Variants in CASKIN1 observed in about 807,000 individuals in gnomAD.
CASKIN1 encodes the protein caskin-1.
CASKIN1 carries 42 observed loss-of-function variants against 117.5 expected under a neutral mutation model. That is an observed-to-expected ratio of 0.36 (90% CI 0.28 to 0.46). The LOEUF (loss-of-function observed/expected upper bound fraction) is 0.46. Among genes scored for constraint, CASKIN1 ranks in the 20% least tolerant of loss-of-function variants. The probability of loss-of-function intolerance (pLI) is 1.00; values close to 1 mark genes in which losing one functional copy is unlikely to be tolerated. For missense variants in CASKIN1, 2,083 were observed against 2,077.3 expected, an observed-to-expected ratio of 1.00 and a Z score of -0.05; for synonymous variants, 1,148 against 961.7, an observed-to-expected ratio of 1.19 and a Z score of -3.59.
chr16:2,179,437 T>C lies in CASKIN1; in HGVS notation c.3776-112A>G. ...CGGACCGGGAAAGACCCTGCTCACC[T>C]TGCCCCCAGCCCTGGATGGATGAGA... On this transcript the variant is annotated intron_variant, in intron 18 of 19. Coordinates refer to ENST00000343516, the MANE Select transcript of CASKIN1 (RefSeq NM_020764.4). This position sits in a 1 kb window ranked among gnomAD's most constrained non-coding sequence, Gnocchi z 5.8. 7.4e-7 allele frequency: 1 copy of C among 1,356,428 alleles called. No individual in the cohort carries two copies. Among genetic ancestry groups the C allele is most frequent in the Non-Finnish European group, 9.4e-7 (1 of 1,060,772 alleles). 84.0% of individuals were successfully genotyped at this position (1,356,428 alleles called of 1,614,324 possible). A position where few individuals can be genotyped will look rare whatever the true frequency, so the allele number is the denominator to read the frequency against.
At position 2,180,469 on chromosome 16, in the gene CASKIN1, C is replaced by A. The variant is rs745948174; in HGVS notation, c.2899G>T (p.Val967Leu). 3.9e-6 allele frequency: 6 copies of A among 1,551,954 alleles called. No individual in the cohort carries two copies. The East Asian group carries it at 1.2e-4, about 31-fold the overall frequency. Residue 967 changes from valine to leucine, a missense_variant, in exon 18 of 20, where the codon GTG becomes TTG. This residue lies in a region of CASKIN1 where 1,818 missense variants were observed against 1,688.9 expected (regional missense o/e 1.08). Coordinates refer to ENST00000343516, the MANE Select transcript of CASKIN1 (RefSeq NM_020764.4). ...CCATCCTCAGGCTCGGCGTCAGGCA[C>A]CGGCTCATCCGCCAGGTTGGCACTA... ...LASANLADEP[V>L]PDAEPEDGLL... is the part of the protein sequence containing the mutation.
In CASKIN1 at chr16:2,182,360, ACT is replaced by A. The variant is rs2093170834; in HGVS notation, c.1630-433_1630-432del. On this transcript the variant is annotated intron_variant, in intron 16 of 19. Transcript: ENST00000343516. The surrounding 1 kb of genome is among the most constrained non-coding windows in gnomAD (Gnocchi z 4.1). ...GCACCAGCACCCCATCCCGTTTCAC[ACT>A]CTGACCTCTCACCCACATCACAGGG... Among the ~76,000 whole-genome samples the A allele has an allele frequency of 6.6e-6, 1 of 151,400 alleles. No individual in the cohort carries two copies. The highest frequency in any genetic ancestry group is 1.5e-5 in the Non-Finnish European group (1 of 67,828).
At chr16:2,187,502 GGA>G in intron 6 of CASKIN1, 41 bp from the exon 7 acceptor site, 1 of 1,548,322 alleles carries the variant, frequency 6.5e-7, no homozygotes, top group Non-Finnish European at 8.8e-7. Flanking sequence ...CCTTCCAGCA[GGA>G]GGCCGGCCCC....
Position 2,180,954 on chromosome 16 carries a change from T to C in CASKIN1, c.2414A>G (p.Lys805Arg), listed in dbSNP as rs1166089070. 2 of 1,465,944 alleles carry C rather than the reference T, an allele frequency of 1.4e-6. No homozygotes were observed. The highest frequency in any genetic ancestry group is 1.8e-6 in the Non-Finnish European group (2 of 1,114,358). 90.8% of individuals were successfully genotyped at this position (1,465,944 alleles called of 1,614,324 possible). Residue 805 changes from lysine (K) to arginine (R), a missense_variant, in exon 18 of 20, where the codon AAG becomes AGG. Coordinates refer to ENST00000343516, the MANE Select transcript of CASKIN1 (RefSeq NM_020764.4). ...CGGCGGCAGCAGCTGCGGGGTGGGCTTCACCTTGGCCGTAGCTGGGGCTGG... is the reference window on the plus strand; with the variant it reads ...CGGCGGCAGCAGCTGCGGGGTGGGCCTCACCTTGGCCGTAGCTGGGGCTGG... Reference protein sequence around the residue: ...HGPAPATAKVKPTPQLLPPTE... With the variant: ...HGPAPATAKVRPTPQLLPPTE...
Position 2,196,216 on chromosome 16 carries a change from T to C in CASKIN1, c.94+123A>G, listed in dbSNP as rs1298653592. 2 of 273,706 alleles carry C rather than the reference T, an allele frequency of 7.3e-6. No individual in the cohort carries two copies. The highest frequency in any genetic ancestry group is 1.3e-5 in the Non-Finnish European group (2 of 154,742). The allele number at this position is 273,706 out of a possible 1,614,324, so 17.0% of individuals were successfully genotyped here. A position where few individuals can be genotyped will look rare whatever the true frequency, so the allele number is the denominator to read the frequency against. ...CACGGACCAAGGGTCTGGGCGCTGC[T>C]GGCCCCGCCCCGCCCCCGGGGACCC... On this transcript the variant is annotated intron_variant, in intron 1 of 19. Transcript: ENST00000343516. This position sits in a 1 kb window ranked among gnomAD's most constrained non-coding sequence, Gnocchi z 5.7.
chr16:2,186,546 G>A (rs771397175), intron 10 of CASKIN1, among the ~76,000 whole-genome samples, 161 bp downstream of exon 10: 3 of 152,158 alleles, frequency 2.0e-5, no homozygotes, highest in East Asian at 1.9e-4. Context: ...GGGAACGGAC[G>A]AGGAGACGGC....
chr16:2,184,765 C>A lies in CASKIN1; in HGVS notation c.1416+12G>T. 1 of 1,501,246 alleles carries A rather than the reference C, an allele frequency of 6.7e-7. No homozygotes were observed. 93.0% of individuals were successfully genotyped at this position (1,501,246 alleles called of 1,614,324 possible). On this transcript the variant is annotated intron_variant, in intron 14 of 19. Transcript: ENST00000343516. ...CCGGAGCCCACGCTGAGAACACCCC[C>A]AAGCCCTGTACCTTGCCCTCCGATG...
chr16:2,182,965 T>G lies in CASKIN1; in HGVS notation c.1629+681A>C, dbSNP rs563167361. 4.7e-4 allele frequency among the ~76,000 whole-genome samples: 71 copies of G among 152,258 alleles called. No homozygotes were observed. Among genetic ancestry groups the G allele is most frequent in the African/African-American group, 1.7e-3 (70 of 41,558 alleles). ...GCCACCACGCCTGGCCAATTTTTGG[T>G]TTTAGTAGAGACTGGGTTTCACCGT... On this transcript the variant is annotated intron_variant, in intron 16 of 19. Coordinates refer to ENST00000343516, the MANE Select transcript of CASKIN1 (RefSeq NM_020764.4). This position sits in a 1 kb window ranked among gnomAD's most constrained non-coding sequence, Gnocchi z 4.1.
At position 2,180,280 on chromosome 16, in the gene CASKIN1, G is replaced by C. The variant is rs748356856; in HGVS notation, c.3088C>G (p.Pro1030Ala). The C allele has an allele frequency of 6.4e-7, 1 of 1,570,180 alleles. No homozygotes were observed. The highest frequency in any genetic ancestry group is 8.6e-7 in the Non-Finnish European group (1 of 1,160,716). Residue 1030 changes from proline to alanine, a missense_variant, in exon 18 of 20, where the codon CCC becomes GCC. Pro to Ala is a conservative substitution (Grantham distance 27). Transcript: ENST00000343516. The part of the protein sequence containing the change: ...ARRPPEGHPT[P>A]RPASPEPGRV... ...CCCGGCTCTGGGCTGGCAGGGCGGG[G>C]AGTGGGGTGGCCCTCAGGAGGCCTG...
chr16:2,178,162 T>C lies in CASKIN1; in HGVS notation c.*388A>G, dbSNP rs1339389887. On this transcript the variant is annotated 3_prime_UTR_variant, in exon 20 of 20. Transcript: ENST00000343516. ...GGGGTGCGGTGGGGCAGGGGGGCCC[T>C]GACCTTGGTCCCCTGTCCCTTGTGC... 1.8e-5 allele frequency: 9 copies of C among 487,100 alleles called. No individual in the cohort carries two copies. The Admixed American group carries it at 2.4e-4, about 13-fold the overall frequency. 30.2% of individuals were successfully genotyped at this position (487,100 alleles called of 1,614,324 possible). A position where few individuals can be genotyped will look rare whatever the true frequency, so the allele number is the denominator to read the frequency against.
chr16:2,180,356 G>C lies in CASKIN1; in HGVS notation c.3012C>G (p.Ile1004Met), dbSNP rs368054223. The change falls in exon 18 of 20, where the codon ATC becomes ATG. Residue 1004 changes from isoleucine to methionine, a missense_variant. Ile to Met is a conservative substitution (Grantham distance 10). Around this residue, in one of 3 missense-constraint regions of CASKIN1, gnomAD observed 1,818 missense variants for 1,688.9 expected, o/e 1.08. Coordinates refer to ENST00000343516, the MANE Select transcript of CASKIN1 (RefSeq NM_020764.4). ...TGGAGGACAGCTCCAGCATGGCCGCGATGCTCTTCACACTGCCGGCACTAC... is the reference window on the plus strand; with the variant it reads ...TGGAGGACAGCTCCAGCATGGCCGCCATGCTCTTCACACTGCCGGCACTAC... ...DTGSAGSVKS[I>M]AAMLELSSIG... 1 of 1,596,434 alleles carries C rather than the reference G, an allele frequency of 6.3e-7. No individual in the cohort carries two copies. Among genetic ancestry groups the C allele is most frequent in the Non-Finnish European group, 8.5e-7 (1 of 1,177,626 alleles).
In CASKIN1 at chr16:2,179,703, G is replaced by T; in HGVS notation, c.3665C>A (p.Ala1222Asp). The T allele has an allele frequency of 6.6e-7, 1 of 1,523,506 alleles. No homozygotes were observed. 94.4% of individuals were successfully genotyped at this position (1,523,506 alleles called of 1,614,324 possible). Residue 1222 changes from alanine to aspartate, a missense_variant, in exon 18 of 20, where the codon GCC becomes GAC. Around this residue, in one of 3 missense-constraint regions of CASKIN1, gnomAD observed 1,818 missense variants for 1,688.9 expected, o/e 1.08. Transcript: ENST00000343516. The surrounding 1 kb of genome is among the most constrained non-coding windows in gnomAD (Gnocchi z 5.8). ...GGGCTTGGGAGAGACAGGCGGCTTG[G>T]CCGGCTTCCGGGCTTCGCCCTCGGG... ...PPPEGEARKP[A>D]KPPVSPKPVL...
intron 1 of CASKIN1, among the ~76,000 whole-genome samples, chr16:2,192,350 C>T (rs1414275731): frequency 6.6e-6 from 1 of 151,928 alleles, no homozygotes; most frequent in East Asian, 1.9e-4. Flanking sequence ...TGCCACGCCT[C>T]TCCTGAAGAC....
At position 2,185,425 on chromosome 16, in the gene CASKIN1, G is replaced by T. The variant is rs374939033; in HGVS notation, c.1049-17C>A. 5,749 of 1,586,354 alleles carry T rather than the reference G, an allele frequency of 3.6e-3. 17 individuals are homozygous for T. Among genetic ancestry groups the T allele is most frequent in the Non-Finnish European group, 4.0e-3 (4,684 of 1,166,122 alleles). On this transcript the variant is annotated splice_polypyrimidine_tract_variant and intron_variant, in intron 10 of 19. Transcript: ENST00000343516. The stretch of plus-strand genomic sequence containing the variant: ...CTCGGGAACCTGTGGGTCAAGCAAA[G>T]CCTCCTAAGTCCTGGGCCAGCGATG...
At chr16:2,186,101 C>T (rs1021029384) in intron 10 of CASKIN1, among the ~76,000 whole-genome samples, 4 of 152,118 alleles carry the variant, frequency 2.6e-5, no homozygotes, top group East Asian at 1.9e-4. Flanking sequence ...CCTCCCAAGT[C>T]GCTGGGGCCA....
At chr16:2,194,626 G>A (rs1367673381) in intron 1 of CASKIN1, among the ~76,000 whole-genome samples, 11 of 152,192 alleles carry the variant, frequency 7.2e-5, no homozygotes, top group African/African-American at 1.9e-4. Context: ...TTGCCATGAC[G>A]ACGGAGCTAA....
In CASKIN1 at chr16:2,181,216, T is replaced by A. The variant is rs754413603; in HGVS notation, c.2152A>T (p.Ser718Cys). ...TCCTGGCTTCGAGACATGGGGCTGC[T>A]GGGCCCAGGGGGCCCATCTCCCAGC... ...ELLGDGPPGP[S>C]SPMSRSQEYL... The change falls in exon 18 of 20, where the codon AGC (serine) becomes TGC (cysteine). Residue 718 changes from serine (S) to cysteine (C), a missense_variant. Transcript: ENST00000343516. 1 of 1,586,968 alleles carries A rather than the reference T, an allele frequency of 6.3e-7. No individual in the cohort carries two copies. Among genetic ancestry groups the A allele is most frequent in the Admixed American group, 1.8e-5 (1 of 55,988 alleles).
At position 2,187,030 on chromosome 16, in the gene CASKIN1, C is replaced by G; in HGVS notation, c.878G>C (p.Cys293Ser). ...ALQVRATKDY[C>S]NNYDLTSLNV... The stretch of plus-strand genomic sequence containing the variant: ...GAGGCTGGTCAGGTCGTAATTGTTG[C>G]AATAATCCTTGGTCGCCCGGACCTG... Residue 293 changes from cysteine (C) to serine (S), a missense_variant, in exon 9 of 20, where the codon TGC (cysteine) becomes TCC (serine). This residue lies in a region of CASKIN1 where 1,818 missense variants were observed against 1,688.9 expected (regional missense o/e 1.08). Transcript: ENST00000343516. 5.6e-6 allele frequency: 9 copies of G among 1,613,836 alleles called. No homozygotes were observed. Among genetic ancestry groups the G allele is most frequent in the Non-Finnish European group, 7.6e-6 (9 of 1,179,926 alleles).
intron 6 of CASKIN1, 154 bp downstream of exon 6, chr16:2,188,873 G>A (rs1245646161): frequency 7.5e-6 from 8 of 1,068,586 alleles, no homozygotes; most frequent in East Asian, 2.5e-5. Context: ...TCCTGTACAT[G>A]GGCCCTGGAG....
Sources: gnomAD v4.1 joint callset for allele counts (sites outside exome capture counted in the v4.1 genomes callset) on GRCh38, gnomAD v4.1.1 for gene constraint, gnomAD v4.1.1 regional missense constraint, Gnocchi (gnomAD v3.1) non-coding constraint, MANE v1.5 for transcripts, NCBI Gene and HGNC (gene_info 2026-07-23, HGNC 2026-07-21) for gene names.